CDCA2: variants seen among roughly 807,000 people sequenced by gnomAD.
CDCA2 encodes the protein cell division cycle-associated protein 2.
In CDCA2, 44 loss-of-function variants were observed where a neutral mutation model predicts 67.0. The observed-to-expected ratio is 0.66, with a 90% confidence interval of 0.52 to 0.84. CDCA2 has a LOEUF of 0.84. Ranked by LOEUF, CDCA2 falls within the 40% of genes least tolerant of loss-of-function variation. CDCA2 has a pLI of 0.00. For synonymous variants in CDCA2, 447 were observed against 418.7 expected, an observed-to-expected ratio of 1.07 and a Z score of -0.82; for missense variants, 1,253 against 1,203.2, an observed-to-expected ratio of 1.04 and a Z score of -0.61.
intron 3 of CDCA2, among the ~76,000 whole-genome samples, chr8:25,460,810 ATG>A (rs1368171582): frequency 6.6e-6 from 1 of 152,178 alleles, no homozygotes; most frequent in African/African-American, 2.4e-5. Flanking sequence ...CTAGAAAATA[ATG>A]TGTGTGTGAG....
At chr8:25,486,508 A>G (rs1803780734) in intron 11 of CDCA2, among the ~76,000 whole-genome samples, 1 of 152,136 alleles carries the variant, frequency 6.6e-6, no homozygotes, top group Non-Finnish European at 1.5e-5. Context: ...TTTCATTTAT[A>G]TCATTAAAAG....
At chr8:25,488,778 C>T (rs1803884113) in intron 13 of CDCA2, 89 bp downstream of exon 13, 1 of 1,324,896 alleles carries the variant, frequency 7.5e-7, no homozygotes, top group African/African-American at 1.5e-5. Context: ...ACATTTTTTT[C>T]CAGTTGACTT....
chr8:25,491,905 C>T (rs1804020058), intron 13 of CDCA2, among the ~76,000 whole-genome samples: 1 of 152,144 alleles, frequency 6.6e-6, no homozygotes, highest in African/African-American at 2.4e-5. Context: ...TCAAGCAATT[C>T]TCCTGCCTCA....
rs1563288400 is a variant in CDCA2, at chr8:25,506,754, TAAGTC to T, written c.2090_2094del (p.Lys697ArgfsTer3). 1.2e-6 allele frequency: 2 copies of T among 1,612,848 alleles called. No individual in the cohort carries two copies. The highest frequency in any genetic ancestry group is 2.2e-5 in the East Asian group (1 of 44,844). On this transcript the variant is annotated frameshift_variant, in exon 15 of 15. Coordinates refer to ENST00000330560, the MANE Select transcript of CDCA2 (RefSeq NM_152562.4). LOFTEE classifies it low-confidence loss of function (END_TRUNC). ...ATAAAAATATTCCAAAAGCAAAAAA[TAAGTC>T]AGAAAGTGAAAATGAACCAAAAGCT...
chr8:25,489,715 AGTC>A (rs2117527940), intron 13 of CDCA2, among the ~76,000 whole-genome samples: 1 of 152,358 alleles, frequency 6.6e-6, no homozygotes, highest in South Asian at 2.1e-4. Context: ...ACTCCTGTAC[AGTC>A]TCTAAGGTTT....
chr8:25,492,055 C>T (rs1425223263), intron 13 of CDCA2, among the ~76,000 whole-genome samples: 3 of 151,922 alleles, frequency 2.0e-5, no homozygotes, highest in Admixed American at 2.0e-4. Flanking sequence ...CTCGGCCTCC[C>T]AAAGTGCTGG....
At chr8:25,460,190 G>A (rs772314605) in intron 1 of CDCA2, 50 bp from the exon 2 acceptor site, 9 of 1,570,636 alleles carry the variant, frequency 5.7e-6, no homozygotes, top group Non-Finnish European at 6.1e-6. Flanking sequence ...ATCGAATCAC[G>A]TTCATCTTGC....
At chr8:25,496,339 C>G (rs866840904) in intron 13 of CDCA2, among the ~76,000 whole-genome samples, 26 of 151,844 alleles carry the variant, frequency 1.7e-4, no homozygotes, top group African/African-American at 5.8e-4. Flanking sequence ...TTTCTGATAA[C>G]AGGAAAATAA....
intron 10 of CDCA2, 152 bp from the exon 11 acceptor site, chr8:25,485,607 T>C: frequency 2.1e-6 from 1 of 486,730 alleles, no homozygotes; most frequent in Non-Finnish European, 3.6e-6. Flanking sequence ...AATATCTTTG[T>C]TTTGCTTTGA....
rs1014987285 is a variant in CDCA2 at position 25,496,868 on chromosome 8, A to G, written c.1672-6505A>G. On this transcript the variant is annotated intron_variant, in intron 13 of 14. Transcript: ENST00000330560. ...ACTAAAAATATAGAACTGAATCTCT[A>G]AACAAAATGTTTTATTTGGGAAAAC... Among the ~76,000 whole-genome samples the G allele has an allele frequency of 2.0e-5, 3 of 152,236 alleles. 1 individual carries two copies. The Middle Eastern group carries it at 9.5e-3, about 482-fold the overall frequency.
Position 25,507,164 on chromosome 8 carries a change from C to A in CDCA2, c.2498C>A (p.Ser833Tyr), listed in dbSNP as rs1470806289. 7 of 1,613,988 alleles carry A rather than the reference C, an allele frequency of 4.3e-6. No homozygotes were observed. Among genetic ancestry groups the A allele is most frequent in the Admixed American group, 1.7e-5 (1 of 60,000 alleles). ...AGAGACAGGAAAGATAGAAGACGTTCCATGTGTTATTCTGATGGTCGAAGT... is the reference window on the plus strand; with the variant it reads ...AGAGACAGGAAAGATAGAAGACGTTACATGTGTTATTCTGATGGTCGAAGT... ...SCRDRKDRRR[S>Y]MCYSDGRSLH... The change falls in exon 15 of 15, where the codon TCC becomes TAC. Residue 833 changes from serine to tyrosine, a missense_variant. Ser to Tyr is a moderately radical substitution (Grantham distance 144). Coordinates refer to ENST00000330560, the MANE Select transcript of CDCA2 (RefSeq NM_152562.4).
intron 13 of CDCA2, 134 bp from the exon 14 acceptor site, chr8:25,503,239 T>C: frequency 2.1e-5 from 14 of 664,904 alleles, no homozygotes; most frequent in Non-Finnish European, 3.3e-5. Context: ...GCTGAGATTG[T>C]GCCACTGCAC....
At chr8:25,486,646 TAC>T (rs1281644984) in intron 11 of CDCA2, among the ~76,000 whole-genome samples, 4 of 29,612 alleles carry the variant, frequency 1.4e-4, no homozygotes, top group South Asian at 2.4e-3. Context: ...CTACTGAAAA[TAC>T]AAAAAAAAAA....
chr8:25,468,673 A>G (rs1803033386), intron 6 of CDCA2, among the ~76,000 whole-genome samples: 1 of 152,170 alleles, frequency 6.6e-6, no homozygotes, highest in African/African-American at 2.4e-5. Flanking sequence ...CAAAGAGAGT[A>G]AGCCCTGGGG....
chr8:25,467,041 C>CAAA (rs59618544), intron 5 of CDCA2, among the ~76,000 whole-genome samples: 1,744 of 48,868 alleles, frequency 0.036, 245 homozygotes, highest in East Asian at 0.13. Context: ...GAGTCCCTTT[C>CAAA]AAAAAAAAAA....
intron 13 of CDCA2, among the ~76,000 whole-genome samples, chr8:25,489,282 C>G (rs1445201225): frequency 6.6e-6 from 1 of 152,154 alleles, no homozygotes; most frequent in Non-Finnish European, 1.5e-5. Context: ...TGTTACTGCC[C>G]GTGTAGCAGT....
intron 13 of CDCA2, among the ~76,000 whole-genome samples, chr8:25,489,314 T>A (rs1251109571): frequency 6.6e-6 from 1 of 152,190 alleles, no homozygotes; most frequent in Non-Finnish European, 1.5e-5. Context: ...GACCCCCAAC[T>A]TCCTGTCCAT....
intron 13 of CDCA2, among the ~76,000 whole-genome samples, chr8:25,500,251 CT>C (rs775778769): frequency 1.6e-4 from 21 of 133,072 alleles, no homozygotes; most frequent in East Asian, 8.9e-4. Flanking sequence ...AAGAGGGGAT[CT>C]TTTTTTTTTT....
chr8:25,461,781 AAACTT>A (rs763921578), intron 3 of CDCA2, among the ~76,000 whole-genome samples: 1 of 152,234 alleles, frequency 6.6e-6, no homozygotes, highest in Non-Finnish European at 1.5e-5. Flanking sequence ...ACAAAAATGA[AAACTT>A]AAAATGTGTT....
Sources: gnomAD v4.1 joint callset for allele counts (sites outside exome capture counted in the v4.1 genomes callset) on GRCh38, gnomAD v4.1.1 for gene constraint, MANE v1.5 for transcripts, NCBI Gene and HGNC (gene_info 2026-07-23, HGNC 2026-07-21) for gene names.